The following LIN9 variants were observed in gnomAD, a reference collection of about 807,000 sequenced individuals.
LIN9 encodes the protein lin-9 DREAM MuvB core complex component.
In LIN9, 18 loss-of-function variants were observed where a neutral mutation model predicts 78.0. The observed-to-expected ratio is 0.23, with a 90% CI of 0.16 to 0.34. LIN9 has a LOEUF of 0.34. LIN9 is among the 10% of genes least tolerant of loss of function. The pLI, the probability that LIN9 is intolerant of heterozygous loss-of-function variation, is 1.00. For missense variants in LIN9, 451 were observed against 644.1 expected (o/e 0.70, Z 3.25); for synonymous variants, 192 against 215.2 (o/e 0.89, Z 0.94).
intron 1 of LIN9, among the ~76,000 whole-genome samples, chr1:226,303,549 A>G (rs570129579): frequency 2.6e-5 from 4 of 152,280 alleles, no homozygotes; most frequent in Admixed American, 1.3e-4. Flanking sequence ...GGCAGGAACC[A>G]TATCTTGGGG....
chr1:226,275,619 G>GGAGGCAGAGGCTGCAGT (rs1660596911), intron 7 of LIN9, among the ~76,000 whole-genome samples: 1 of 151,170 alleles, frequency 6.6e-6, no homozygotes, highest in African/African-American at 2.4e-5. Context: ...CTTGAACCTG[G>GGAGGCAGAGGCTGCAGT]GAGGCAGAGG....
intron 6 of LIN9, among the ~76,000 whole-genome samples, chr1:226,280,544 G>A (rs546098048): frequency 2.0e-5 from 3 of 152,236 alleles, no homozygotes; most frequent in Admixed American, 1.3e-4. Flanking sequence ...TTGGGAGGCC[G>A]AGGTGGGCGG....
At chr1:226,308,573 G>C (rs1221510115) in intron 1 of LIN9, among the ~76,000 whole-genome samples, 1 of 152,186 alleles carries the variant, frequency 6.6e-6, no homozygotes, top group Non-Finnish European at 1.5e-5. Flanking sequence ...CCGGTGGGGG[G>C]GTGGGGAGGA....
chr1:226,299,418 C>T (rs1274994154), intron 2 of LIN9, among the ~76,000 whole-genome samples: 1 of 149,192 alleles, frequency 6.7e-6, no homozygotes, highest in Non-Finnish European at 1.5e-5. Flanking sequence ...GCACAAGAAT[C>T]ACTTGACCCA....
At chr1:226,292,625 T>A (rs538154975) in intron 4 of LIN9, among the ~76,000 whole-genome samples, 15 of 151,878 alleles carry the variant, frequency 9.9e-5, no homozygotes, top group Admixed American at 3.3e-4. Context: ...GGCTAATTTT[T>A]AAAAAAAATT....
At chr1:226,267,848 C>G in intron 8 of LIN9, 109 bp downstream of exon 8, 2 of 1,190,656 alleles carry the variant, frequency 1.7e-6, no homozygotes, top group Non-Finnish European at 1.2e-6. Context: ...GGATCTCTTC[C>G]TCTGTGAGAT....
At chr1:226,237,190 C>T (rs1657773747) in intron 12 of LIN9, among the ~76,000 whole-genome samples, 1 of 152,146 alleles carries the variant, frequency 6.6e-6, no homozygotes, top group Non-Finnish European at 1.5e-5. Flanking sequence ...CTGCATGTAC[C>T]ATCAGCTTTG....
intron 6 of LIN9, among the ~76,000 whole-genome samples, chr1:226,283,881 G>A (rs1661230146): frequency 6.6e-6 from 1 of 152,010 alleles, no homozygotes; most frequent in South Asian, 2.1e-4. Flanking sequence ...GGCAGAGGTT[G>A]CAGTGAGCCG....
At chr1:226,267,871 C>G in intron 8 of LIN9, 86 bp downstream of exon 8, 1 of 1,357,092 alleles carries the variant, frequency 7.4e-7, no homozygotes, top group Non-Finnish European at 1.0e-6. Flanking sequence ...AGTCTTGATT[C>G]TATCATAAAA....
At chr1:226,250,053 C>T (rs575685688) in intron 11 of LIN9, among the ~76,000 whole-genome samples, 3 of 151,982 alleles carry the variant, frequency 2.0e-5, no homozygotes, top group Admixed American at 1.3e-4. Context: ...GCCTGTAATC[C>T]TAGCTACTTG....
At chr1:226,277,610 G>A (rs945178077) in intron 7 of LIN9, among the ~76,000 whole-genome samples, 165 bp downstream of exon 7, 11 of 152,322 alleles carry the variant, frequency 7.2e-5, no homozygotes, top group African/African-American at 2.6e-4. Flanking sequence ...CATCAACCAG[G>A]CTCAGAGAGA....
chr1:226,260,697 T>C (rs1018821639), intron 10 of LIN9, among the ~76,000 whole-genome samples: 6 of 123,418 alleles, frequency 4.9e-5, no homozygotes, highest in African/African-American at 1.8e-4. Flanking sequence ...CAGGCCGGAG[T>C]GCAGTGGCAC....
chr1:226,238,023 A>C (rs1017463397), intron 12 of LIN9, among the ~76,000 whole-genome samples: 5 of 152,106 alleles, frequency 3.3e-5, no homozygotes, highest in African/African-American at 1.2e-4. Flanking sequence ...ACCTCAAAGT[A>C]TGCAAATTCA....
intron 10 of LIN9, among the ~76,000 whole-genome samples, chr1:226,260,964 A>G (rs1445055781): frequency 6.6e-6 from 1 of 152,020 alleles, no homozygotes; most frequent in Non-Finnish European, 1.5e-5. Flanking sequence ...ATTTACCTGA[A>G]GTATGCAAGG....
chr1:226,235,901 T>C (rs1182002373), intron 12 of LIN9, among the ~76,000 whole-genome samples: 2 of 152,234 alleles, frequency 1.3e-5, no homozygotes, highest in African/African-American at 4.8e-5. Flanking sequence ...CTGATACATA[T>C]ACATTGTATT....
In LIN9 at chr1:226,231,463, G is replaced by A. The variant is rs568007791; in HGVS notation, c.*1038C>T. 3 of 152,356 alleles carry A rather than the reference G, an allele frequency of 2.0e-5. No homozygotes were observed. The highest frequency in any genetic ancestry group is 3.4e-3 in the Middle Eastern group (1 of 294). The allele number at this position is 152,356 out of a possible 1,614,324, so 9.4% of individuals were successfully genotyped here. A position where few individuals can be genotyped will look rare whatever the true frequency, so the allele number is the denominator to read the frequency against. On this transcript the variant is annotated 3_prime_UTR_variant, in exon 15 of 15. Transcript: ENST00000681046. ...CAAATTTGAAAAAAATTTATATTTT[G>A]AGTTTATAATATTCTATTAAAACGA...
In LIN9 at chr1:226,295,946, G is replaced by C; in HGVS notation, c.160C>G (p.Pro54Ala). The C allele has an allele frequency of 6.3e-7, 1 of 1,595,332 alleles. No individual in the cohort carries two copies. The highest frequency in any genetic ancestry group is 8.6e-7 in the Non-Finnish European group (1 of 1,166,884). ...CGACTTCGTTTTGAATTTCTGAAAG[G>C]CTATGATAGAAATGTTTTCATTTAA... The part of the protein sequence containing the change: ...GRNTSSAVEM[P>A]FRNSKRSRLF... The change falls in exon 4 of 15, where the codon CCT (proline) becomes GCT (alanine). Residue 54 changes from proline (P) to alanine (A), a missense_variant and splice_region_variant. Physicochemically the swap from Pro to Ala is conservative, Grantham distance 27. Coordinates refer to ENST00000681046, the MANE Select transcript of LIN9 (RefSeq NM_001366245.2).
At chr1:226,253,807 C>T (rs961838290) in intron 10 of LIN9, among the ~76,000 whole-genome samples, 5 of 151,972 alleles carry the variant, frequency 3.3e-5, no homozygotes, top group African/African-American at 1.2e-4. Context: ...CCTGGCTACT[C>T]AGAAGGCTGA....
At chr1:226,258,725 C>T (rs1659365260) in intron 10 of LIN9, among the ~76,000 whole-genome samples, 1 of 150,792 alleles carries the variant, frequency 6.6e-6, no homozygotes, top group African/African-American at 2.4e-5. Flanking sequence ...CCCGTCTCTA[C>T]TAAAAATACA....
Sources: allele counts gnomAD v4.1 joint callset (sites outside exome capture counted in the v4.1 genomes callset), GRCh38; gene constraint gnomAD v4.1.1; transcripts MANE v1.5; gene names NCBI Gene and HGNC (gene_info 2026-07-23, HGNC 2026-07-21).